The following SPRY3 variants were observed in gnomAD, a reference collection of about 807,000 sequenced individuals.
SPRY3 encodes the protein protein sprouty homolog 3.
A neutral mutation model predicts 20.2 loss-of-function variants in SPRY3; 15 were observed. The ratio of observed to expected loss-of-function variants is 0.74; its 90% CI spans 0.50 to 1.14. SPRY3 has a LOEUF of 1.14. Ranked by LOEUF, SPRY3 falls within the 50% of genes most tolerant of loss-of-function variation. The probability of loss-of-function intolerance (pLI) is 0.00; values close to 1 mark genes in which losing one functional copy is unlikely to be tolerated. For synonymous variants in SPRY3, 143 were observed against 136.5 expected (o/e 1.05, Z -0.33); for missense variants, 364 against 363.9 (o/e 1.00, Z 0.00).
At chrX:155,713,113 T>G (rs2090998445) in intron 2 of SPRY3, among the ~76,000 whole-genome samples, 1 of 152,100 alleles carries the variant, frequency 6.6e-6, no homozygotes, top group Admixed American at 6.6e-5. Context: ...TTAATTTTAC[T>G]TTAAGTTCTG....
chrX:155,747,973 T>C (rs1201757411), intron 2 of SPRY3, among the ~76,000 whole-genome samples: 1 of 151,940 alleles, frequency 6.6e-6, no homozygotes, highest in East Asian at 1.9e-4. Flanking sequence ...TATAATTATA[T>C]ACTTATACGA....
intron 2 of SPRY3, among the ~76,000 whole-genome samples, chrX:155,684,886 A>G (rs776172113): frequency 6.3e-5 from 7 of 111,589 alleles, no homozygotes; most frequent in African/African-American, 1.9e-4. Context: ...TGGATTTAGG[A>G]TTCTAGGTTG....
intron 2 of SPRY3, among the ~76,000 whole-genome samples, chrX:155,752,146 T>A (rs2091266803): frequency 6.6e-6 from 1 of 151,516 alleles, no homozygotes. Flanking sequence ...CTGGTAAAAA[T>A]TTTAAACTAT....
At chrX:155,621,478 C>T (rs1159197724) in intron 1 of SPRY3, among the ~76,000 whole-genome samples, 1 of 111,594 alleles carries the variant, frequency 9.0e-6, no homozygotes, top group Non-Finnish European at 1.9e-5. Context: ...TCCATCCTTC[C>T]TGGATTTTCC....
rs1307702836 is a variant in SPRY3 at position 155,612,663 on chromosome X, C to G, written c.-441+16C>G. On this transcript the variant is annotated intron_variant, in intron 1 of 3. Coordinates refer to ENST00000675360, the Ensembl canonical transcript of SPRY3. ...CAGGGTTAAGGTGAGTACCACCGCC[C>G]TTGGGCCCAGCAGCCCGGGTGAGAG... is the stretch of plus-strand genomic sequence containing the variant. 1 of 112,796 alleles carries G rather than the reference C, an allele frequency of 8.9e-6. No individual in the cohort carries two copies. The highest frequency in any genetic ancestry group is 3.2e-5 in the African/African-American group (1 of 30,930). The allele number at this position is 112,796 out of a possible 1,213,427, so 9.3% of individuals were successfully genotyped here.
rs750368151 is a variant in SPRY3 at position 155,705,912 on chromosome X, C to T, written c.-282+48887C>T. ...ACTGAAATTGAAGAATACAGAAATC[C>T]ACAATTATAGCTGAACACTTCGACA... On this transcript the variant is annotated intron_variant, in intron 2 of 3. Transcript: ENST00000675360. 3.3e-5 allele frequency among the ~76,000 whole-genome samples: 5 copies of T among 151,258 alleles called. No individual in the cohort carries two copies. The East Asian group carries it at 9.7e-4, about 29-fold the overall frequency.
At chrX:155,678,069 G>T (rs1206464859) in intron 2 of SPRY3, among the ~76,000 whole-genome samples, 1 of 111,069 alleles carries the variant, frequency 9.0e-6, no homozygotes, top group Non-Finnish European at 1.9e-5. Flanking sequence ...AGCTTGTGCA[G>T]GTTTGAAAAA....
chrX:155,692,209 T>TAAA (rs2124575054), intron 2 of SPRY3, among the ~76,000 whole-genome samples: 1 of 111,139 alleles, frequency 9.0e-6, no homozygotes, highest in African/African-American at 3.3e-5. Context: ...AGCTCCCTGG[T>TAAA]TGATTTTGAG....
At chrX:155,613,043 C>T (rs782239882) in intron 1 of SPRY3, 6 of 112,280 alleles carry the variant, frequency 5.3e-5, no homozygotes, top group Admixed American at 4.7e-4. Context: ...GTCTCCCATT[C>T]GGAAGGACTG....
chrX:155,748,428 A>T (rs1487904575), intron 2 of SPRY3, among the ~76,000 whole-genome samples: 1 of 151,844 alleles, frequency 6.6e-6, no homozygotes, highest in Non-Finnish European at 1.5e-5. Context: ...GACTCTACCA[A>T]GCAGGCAAAA....
At chrX:155,743,167 C>A (rs2091211361) in intron 2 of SPRY3, among the ~76,000 whole-genome samples, 1 of 152,058 alleles carries the variant, frequency 6.6e-6, no homozygotes, top group South Asian at 2.1e-4. Context: ...TACAAACAAC[C>A]ATCGGAAAAT....
At chrX:155,633,236 A>G (rs1448038001) in intron 1 of SPRY3, among the ~76,000 whole-genome samples, 2 of 109,163 alleles carry the variant, frequency 1.8e-5, no homozygotes, top group Non-Finnish European at 3.8e-5. Context: ...CAGTTCTAAA[A>G]CACCTAAAAA....
chrX:155,668,888 T>C (rs781892202), intron 2 of SPRY3, among the ~76,000 whole-genome samples: 1 of 110,899 alleles, frequency 9.0e-6, no homozygotes, highest in Non-Finnish European at 1.9e-5. Context: ...GAATTGTTCA[T>C]GTTATAAAGG....
chrX:155,617,888 A>G (rs1429350572), intron 1 of SPRY3, among the ~76,000 whole-genome samples: 1 of 111,970 alleles, frequency 8.9e-6, no homozygotes, highest in Non-Finnish European at 1.9e-5. Context: ...AATAATTGTC[A>G]ATTCACAGGA....
intron 1 of SPRY3, among the ~76,000 whole-genome samples, chrX:155,620,371 T>C (rs1207086878): frequency 8.9e-6 from 1 of 111,832 alleles, no homozygotes; most frequent in Admixed American, 9.5e-5. Flanking sequence ...AATGGAAATA[T>C]ATACTCATAC....
rs199805039 is a variant in SPRY3, at chrX:155,681,372, C to T, written c.-282+24347C>T. Reference sequence around the variant, plus strand: ...CATAATTGTGAGGCTTCCCCAACCACGTGGAACTGTAAGTCCAATTAAACC... The same window carrying T: ...CATAATTGTGAGGCTTCCCCAACCATGTGGAACTGTAAGTCCAATTAAACC... On this transcript the variant is annotated intron_variant, in intron 2 of 3. Coordinates refer to ENST00000675360, the Ensembl canonical transcript of SPRY3. 6.2e-5 allele frequency among the ~76,000 whole-genome samples: 7 copies of T among 112,257 alleles called. No homozygotes were observed. The South Asian group carries it at 2.6e-3, about 41-fold the overall frequency.
chrX:155,635,427 G>T (rs2067920180), intron 1 of SPRY3, among the ~76,000 whole-genome samples: 1 of 111,167 alleles, frequency 9.0e-6, no homozygotes, highest in African/African-American at 3.3e-5. Flanking sequence ...GGGTCAAATG[G>T]TATTTCCAGT....
chrX:155,742,847 G>A (rs1393793216), intron 2 of SPRY3, among the ~76,000 whole-genome samples: 1 of 152,070 alleles, frequency 6.6e-6, no homozygotes, highest in African/African-American at 2.4e-5. Flanking sequence ...TGTTAAGAGG[G>A]ATATTCACAG....
chrX:155,625,398 CTG>C (rs1203928523), intron 1 of SPRY3, among the ~76,000 whole-genome samples: 1 of 111,541 alleles, frequency 9.0e-6, no homozygotes. Context: ...AAGATAAAAA[CTG>C]TTTTATTCAA....
Sources: gnomAD v4.1 joint callset for allele counts (sites outside exome capture counted in the v4.1 genomes callset) on GRCh38, gnomAD v4.1.1 for gene constraint, MANE v1.5 for transcripts, NCBI Gene and HGNC (gene_info 2026-07-23, HGNC 2026-07-21) for gene names.